The following CDS2 variants were observed in gnomAD, a reference collection of about 807,000 sequenced individuals.
CDS2 encodes CDP-diacylglycerol synthase 2.
In CDS2, 47 loss-of-function variants were observed where a neutral mutation model predicts 59.0. That is an observed-to-expected ratio of 0.80 (90% CI 0.63 to 1.02). The LOEUF is 1.02. CDS2 is among the 50% of genes least tolerant of loss of function. The pLI, the probability that CDS2 is intolerant of heterozygous loss-of-function variation, is 0.00. For synonymous variants in CDS2, 207 were observed against 206.4 expected, an observed-to-expected ratio of 1.00 and a Z score of -0.02; for missense variants, 356 against 558.9, an observed-to-expected ratio of 0.64 and a Z score of 3.66.
intron 1 of CDS2, among the ~76,000 whole-genome samples, chr20:5,136,999 G>A (rs1319166198): frequency 6.6e-6 from 1 of 152,044 alleles, no homozygotes; most frequent in Non-Finnish European, 1.5e-5. Flanking sequence ...TCCATGTGTA[G>A]CTCCCAGTTC....
chr20:5,185,972 C>G (rs1227371647), intron 9 of CDS2, 146 bp downstream of exon 9: 2 of 721,560 alleles, frequency 2.8e-6, no homozygotes, highest in African/African-American at 3.5e-5. Context: ...GGGCCACTGG[C>G]CATGCCAGCC....
chr20:5,185,897 C>G (rs893967054), intron 9 of CDS2, 71 bp downstream of exon 9: 21 of 1,412,330 alleles, frequency 1.5e-5, no homozygotes, highest in South Asian at 2.3e-5. Context: ...CAAGGCCTGT[C>G]CAGAGCTGGA....
At chr20:5,146,481 G>A (rs908281796) in intron 1 of CDS2, among the ~76,000 whole-genome samples, 1 of 152,192 alleles carries the variant, frequency 6.6e-6, no homozygotes, top group African/African-American at 2.4e-5. Context: ...GTAAGGAGAC[G>A]TGGTTTATCC....
Position 5,190,353 on chromosome 20 carries a change from TTTTTGGAGGGTATTTTTTA to T in CDS2, c.*123_*141del. On this transcript the variant is annotated 3_prime_UTR_variant, in exon 13 of 13. Transcript: ENST00000460006. ...TTCAACTCACTGTCTTTTTTTTTTT[TTTTTGGAGGGTATTTTTTA>T]TTTGTGGGTTCAAAAAATCTGTATA... 1 of 1,032,140 alleles carries T rather than the reference TTTTTGGAGGGTATTTTTTA, an allele frequency of 9.7e-7. No individual in the cohort carries two copies. Among genetic ancestry groups the T allele is most frequent in the Non-Finnish European group, 1.4e-6 (1 of 734,748 alleles). The allele number at this position is 1,032,140 out of a possible 1,614,324, so 63.9% of individuals were successfully genotyped here. A position where few individuals can be genotyped will look rare whatever the true frequency, so the allele number is the denominator to read the frequency against.
intron 1 of CDS2, among the ~76,000 whole-genome samples, chr20:5,148,632 G>A (rs190584996): frequency 1.0e-3 from 152 of 152,320 alleles, no homozygotes; most frequent in Non-Finnish European, 1.9e-3. Context: ...TCCAGTGTGA[G>A]GGTGGCATGT....
intron 5 of CDS2, among the ~76,000 whole-genome samples, chr20:5,182,089 C>T (rs1048784750): frequency 1.3e-5 from 2 of 152,182 alleles, no homozygotes; most frequent in African/African-American, 4.8e-5. Context: ...CTGGCCTGAC[C>T]ACTGTTTGCT....
chr20:5,179,240 G>A (rs1321414544), intron 5 of CDS2, among the ~76,000 whole-genome samples: 3 of 151,664 alleles, frequency 2.0e-5, no homozygotes, highest in Non-Finnish European at 2.9e-5. Flanking sequence ...TCCCACCTCA[G>A]GTCCCGAAGT....
chr20:5,127,965 C>T (rs2090569637), intron 1 of CDS2, among the ~76,000 whole-genome samples: 1 of 152,090 alleles, frequency 6.6e-6, no homozygotes, highest in African/African-American at 2.4e-5. Flanking sequence ...ATCAGGAGCC[C>T]TGTGTTTGGG....
chr20:5,131,240 A>T (rs904089461), intron 1 of CDS2, among the ~76,000 whole-genome samples: 2 of 152,228 alleles, frequency 1.3e-5, no homozygotes, highest in Non-Finnish European at 2.9e-5. Flanking sequence ...TAAAAGTCAG[A>T]AGGTATTTTG....
chr20:5,143,459 CATGTATTCACTGAAAG>C (rs2090712217), intron 1 of CDS2, among the ~76,000 whole-genome samples: 1 of 152,162 alleles, frequency 6.6e-6, no homozygotes, highest in Non-Finnish European at 1.5e-5. Flanking sequence ...GAAATCTGTA[CATGTATTCACTGAAAG>C]TCAAGTTCCA....
At position 5,182,484 on chromosome 20, in the gene CDS2, T is replaced by A. The variant is rs375173237; in HGVS notation, c.588+39T>A. The A allele has an allele frequency of 3.8e-5, 59 of 1,567,536 alleles. No individual in the cohort carries two copies. The East Asian group carries it at 1.3e-3, about 34-fold the overall frequency. On this transcript the variant is annotated intron_variant, in intron 6 of 12. Coordinates refer to ENST00000460006, the MANE Select transcript of CDS2 (RefSeq NM_003818.4). ...ATGCGTGTGTGTCAGAATTCTTGAT[T>A]TAAATGAAGTTTTTCAGGAACTCAA...
intron 1 of CDS2, among the ~76,000 whole-genome samples, chr20:5,140,394 T>G (rs746657454): frequency 3.9e-5 from 6 of 152,226 alleles, no homozygotes; most frequent in Non-Finnish European, 8.8e-5. Context: ...TGCCTGTCTT[T>G]GTGATCTCTC....
intron 1 of CDS2, among the ~76,000 whole-genome samples, chr20:5,168,440 A>ACC: frequency 2.0e-5 from 1 of 49,920 alleles, no homozygotes; most frequent in Non-Finnish European, 5.1e-5. Flanking sequence ...AAAAGAAAAG[A>ACC]AAAAAAAAAA....
intron 10 of CDS2, among the ~76,000 whole-genome samples, chr20:5,188,543 C>T (rs187262480): frequency 3.6e-4 from 55 of 152,318 alleles, no homozygotes; most frequent in African/African-American, 1.3e-3. Context: ...ATTCACTCCT[C>T]TTATTGATTT....
chr20:5,195,674 T>C lies in CDS2; in HGVS notation c.*5440T>C, dbSNP rs543412098. ...TCCTCAGGGGCCAAGAAGAGAAGAA[T>C]GGGGACAACAGAAACCTGCTTTGTA... On this transcript the variant is annotated 3_prime_UTR_variant, in exon 13 of 13. Transcript: ENST00000460006. The C allele has an allele frequency of 1.3e-5, 2 of 152,428 alleles. No individual in the cohort carries two copies. The highest frequency in any genetic ancestry group is 4.8e-5 in the African/African-American group (2 of 41,554). The allele number at this position is 152,428 out of a possible 1,614,324, so 9.4% of individuals were successfully genotyped here.
At chr20:5,168,832 C>T (rs2090933568) in intron 1 of CDS2, among the ~76,000 whole-genome samples, 1 of 152,208 alleles carries the variant, frequency 6.6e-6, no homozygotes, top group South Asian at 2.1e-4. Context: ...GCCCACTGCT[C>T]CCTCTGGCCC....
At chr20:5,163,785 TTCTTTC>T (rs1445098218) in intron 1 of CDS2, among the ~76,000 whole-genome samples, 3 of 130,096 alleles carry the variant, frequency 2.3e-5, no homozygotes, top group African/African-American at 9.0e-5. Flanking sequence ...CATAATTTCT[TTCTTTC>T]TTTTTTTTTT....
Position 5,195,457 on chromosome 20 carries a change from C to T in CDS2, c.*5223C>T, listed in dbSNP as rs1339300598. The T allele has an allele frequency of 6.6e-6, 1 of 152,352 alleles. No homozygotes were observed. The highest frequency in any genetic ancestry group is 1.9e-4 in the East Asian group (1 of 5,168). The allele number at this position is 152,352 out of a possible 1,614,324, so 9.4% of individuals were successfully genotyped here. ...AGTGAGAATGGCTGGCCTGAGAATCCAGCTCACCTCCTCTGCCCACAGTCT... is the reference window on the plus strand; with the variant it reads ...AGTGAGAATGGCTGGCCTGAGAATCTAGCTCACCTCCTCTGCCCACAGTCT... On this transcript the variant is annotated 3_prime_UTR_variant, in exon 13 of 13. Transcript: ENST00000460006.
intron 1 of CDS2, among the ~76,000 whole-genome samples, chr20:5,165,749 G>A (rs1206789406): frequency 6.6e-6 from 1 of 152,116 alleles, no homozygotes; most frequent in Non-Finnish European, 1.5e-5. Flanking sequence ...GGGACACACA[G>A]GCAGTTGGGG....
Sources: gnomAD v4.1 joint callset for allele counts (sites outside exome capture counted in the v4.1 genomes callset) on GRCh38, gnomAD v4.1.1 for gene constraint, MANE v1.5 for transcripts, NCBI Gene and HGNC (gene_info 2026-07-23, HGNC 2026-07-21) for gene names.